Variants in LRRIQ1 observed in about 807,000 individuals in gnomAD.
LRRIQ1 encodes the protein leucine-rich repeat- and IQ domain-containing protein 1.
LRRIQ1 carries 210 observed loss-of-function variants against 211.9 expected under a neutral mutation model. The observed-to-expected ratio is 0.99, with a 90% CI of 0.89 to 1.11. LRRIQ1 has a LOEUF of 1.11. Ranked by LOEUF, LRRIQ1 falls within the 50% of genes most tolerant of loss-of-function variation. LRRIQ1 has a pLI of 0.00. For synonymous variants in LRRIQ1, 699 were observed against 650.1 expected (o/e 1.08, Z -1.14); for missense variants, 2,136 against 1,939.5 (o/e 1.10, Z -1.90).
Position 85,127,898 on chromosome 12 carries a change from C to G in LRRIQ1, c.4074C>G (p.Ser1358=). 6.2e-7 allele frequency: 1 copy of G among 1,613,996 alleles called. No individual in the cohort carries two copies. The highest frequency in any genetic ancestry group is 8.5e-7 in the Non-Finnish European group (1 of 1,180,000). The change falls in exon 18 of 27, where the codon TCC becomes TCG. Residue 1358 remains serine, a synonymous_variant. Coordinates refer to ENST00000393217, the MANE Select transcript of LRRIQ1 (RefSeq NM_001079910.2). ...TCATGCGCAGACAGACTCATTTCTC[C>G]ACAAGGCTACATACTGCTGCAACAG... ...GYLMRRQTHF[S]TRLHTAATEG...
intron 24 of LRRIQ1, among the ~76,000 whole-genome samples, chr12:85,225,249 C>G (rs572156231): frequency 6.6e-6 from 1 of 152,138 alleles, no homozygotes; most frequent in African/African-American, 2.4e-5. Context: ...AGATTATAAG[C>G]AAATGCCATT....
intron 19 of LRRIQ1, among the ~76,000 whole-genome samples, chr12:85,140,462 T>A (rs1482091851): frequency 6.6e-6 from 1 of 151,358 alleles, no homozygotes; most frequent in African/African-American, 2.4e-5. Context: ...ACCACTTTGC[T>A]GAAATCACCC....
chr12:85,056,407 A>T lies in LRRIQ1; in HGVS notation c.1614A>T (p.Glu538Asp). ...TAAAGTCTGATGCACAAAAAGAAGA[A>T]AAAATCATGAAACATGTCATAAATG... ...QELKSDAQKE[E>D]KIMKHVINEN... is the part of the protein sequence containing the mutation. Residue 538 changes from glutamate (E) to aspartate (D), a missense_variant, in exon 8 of 27, where the codon GAA (glutamate) becomes GAT (aspartate). Glu to Asp is a conservative substitution (Grantham distance 45, BLOSUM62 2). Transcript: ENST00000393217. The T allele has an allele frequency of 6.3e-7, 1 of 1,588,072 alleles. No homozygotes were observed. Among genetic ancestry groups the T allele is most frequent in the South Asian group, 1.2e-5 (1 of 84,448 alleles).
intron 24 of LRRIQ1, among the ~76,000 whole-genome samples, chr12:85,202,826 T>C (rs961419443): frequency 2.0e-5 from 3 of 152,226 alleles, no homozygotes; most frequent in Non-Finnish European, 4.4e-5. Flanking sequence ...TCTGTTTTCA[T>C]GTTGTTAGCT....
At chr12:85,186,194 A>G (rs937971303) in intron 24 of LRRIQ1, among the ~76,000 whole-genome samples, 3 of 152,228 alleles carry the variant, frequency 2.0e-5, no homozygotes, top group Non-Finnish European at 4.4e-5. Context: ...AGTTATAGTT[A>G]TAAGATTAAA....
Position 85,124,297 on chromosome 12 carries a change from A to G in LRRIQ1, c.3785A>G (p.Asp1262Gly). 6.2e-7 allele frequency: 1 copy of G among 1,614,100 alleles called. No homozygotes were observed. The highest frequency in any genetic ancestry group is 8.5e-7 in the Non-Finnish European group (1 of 1,180,012). Residue 1262 changes from aspartate to glycine, a missense_variant, in exon 17 of 27, where the codon GAT becomes GGT. Transcript: ENST00000393217. Reference protein sequence around the residue: ...CAREGEPDSPDIPEKWMDSVS... With the variant: ...CAREGEPDSPGIPEKWMDSVS... ...CGTGAAGGTGAGCCAGACTCACCAG[A>G]TATTCCTGAGAAATGGATGGACTCT...
intron 2 of LRRIQ1, 135 bp from the exon 3 acceptor site, chr12:85,040,355 C>G (rs1166460726): frequency 2.2e-6 from 1 of 452,796 alleles, no homozygotes; most frequent in Non-Finnish European, 3.9e-6. Context: ...CTGAACTGTG[C>G]TGTTTATATG....
chr12:85,222,129 T>G (rs1894433108), intron 24 of LRRIQ1, among the ~76,000 whole-genome samples: 1 of 152,118 alleles, frequency 6.6e-6, no homozygotes, highest in East Asian at 1.9e-4. Flanking sequence ...TATAGAAAAT[T>G]TAGGAAAAGG....
At chr12:85,063,220 A>AT (rs1032280065) in intron 8 of LRRIQ1, among the ~76,000 whole-genome samples, 3,935 of 143,452 alleles carry the variant, frequency 0.027, 58 homozygotes, top group Non-Finnish European at 0.039. Context: ...CCACTTGTCA[A>AT]TTTTTTTTTT....
At chr12:85,041,672 T>C (rs1166594682) in intron 3 of LRRIQ1, among the ~76,000 whole-genome samples, 1 of 151,774 alleles carries the variant, frequency 6.6e-6, no homozygotes, top group Non-Finnish European at 1.5e-5. Context: ...CCAAACTATT[T>C]TGTGGACTTT....
intron 24 of LRRIQ1, among the ~76,000 whole-genome samples, chr12:85,177,989 CTATCTCA>C: frequency 6.6e-6 from 1 of 152,076 alleles, no homozygotes; most frequent in South Asian, 2.1e-4. Context: ...AGAATAATAC[CTATCTCA>C]GAGAGATGTT....
rs200866219 is a variant in LRRIQ1 at position 85,124,345 on chromosome 12, G to A, written c.3833G>A (p.Ser1278Asn). 90 of 1,613,914 alleles carry A rather than the reference G, an allele frequency of 5.6e-5. No individual in the cohort carries two copies. The highest frequency in any genetic ancestry group is 6.9e-5 in the Non-Finnish European group (81 of 1,180,036). The change falls in exon 17 of 27, where the codon AGC becomes AAC. Residue 1278 changes from serine (S) to asparagine (N), a missense_variant. Coordinates refer to ENST00000393217, the MANE Select transcript of LRRIQ1 (RefSeq NM_001079910.2). The part of the protein sequence containing the change: ...MDSVSSHSPL[S>N]KSATCENMEG... Reference sequence around the variant, plus strand: ...TCTGTCTCCAGCCACTCCCCATTAAGCAAATCCGCCACATGTGAAAATATG... The same window carrying A: ...TCTGTCTCCAGCCACTCCCCATTAAACAAATCCGCCACATGTGAAAATATG...
intron 3 of LRRIQ1, among the ~76,000 whole-genome samples, chr12:85,041,296 A>G (rs549292198): frequency 5.3e-5 from 8 of 151,944 alleles, no homozygotes; most frequent in African/African-American, 1.9e-4. Context: ...CACTAAGAAT[A>G]CAGCAGTGAA....
At chr12:85,270,953 G>A in the LRRIQ1 span, among the ~76,000 whole-genome samples, 1 of 152,100 alleles carries the variant, frequency 6.6e-6, no homozygotes, top group Admixed American at 6.5e-5. Context: ...TGATACAAGT[G>A]TGTAACCAGT....
chr12:85,148,448 G>A (rs1890032755), intron 19 of LRRIQ1, among the ~76,000 whole-genome samples: 1 of 151,974 alleles, frequency 6.6e-6, no homozygotes, highest in South Asian at 2.1e-4. Flanking sequence ...ATGGCTTCCA[G>A]TTTCACCCAT....
At chr12:85,072,576 G>A (rs1883205573) in intron 10 of LRRIQ1, among the ~76,000 whole-genome samples, 1 of 147,888 alleles carries the variant, frequency 6.8e-6, no homozygotes, top group Non-Finnish European at 1.5e-5. Context: ...TTTCTGTTTT[G>A]TGAATGTTAC....
chr12:85,173,608 C>T (rs1262953155), intron 24 of LRRIQ1, among the ~76,000 whole-genome samples: 4 of 151,800 alleles, frequency 2.6e-5, no homozygotes, highest in Non-Finnish European at 4.4e-5. Context: ...AGACTACACA[C>T]GCAATCTCTC....
At position 85,047,409 on chromosome 12, in the gene LRRIQ1, A is replaced by G. The variant is rs1879745344; in HGVS notation, c.617A>G (p.Lys206Arg). Reference sequence around the variant, plus strand: ...AAACAATTTCAAGAAGAAGAAGAAAAGCGACATTGCTGGATGAAACAATTT... The same window carrying G: ...AAACAATTTCAAGAAGAAGAAGAAAGGCGACATTGCTGGATGAAACAATTT... ...EEKQFQEEEE[K>R]RHCWMKQFKV... Residue 206 changes from lysine to arginine, a missense_variant, in exon 6 of 27, where the codon AAG (lysine) becomes AGG (arginine). Physicochemically the swap from Lys to Arg is conservative, Grantham distance 26 (BLOSUM62 2). Coordinates refer to ENST00000393217, the MANE Select transcript of LRRIQ1 (RefSeq NM_001079910.2). The G allele has an allele frequency of 3.7e-6, 6 of 1,612,650 alleles. No homozygotes were observed. Among genetic ancestry groups the G allele is most frequent in the Non-Finnish European group, 5.1e-6 (6 of 1,179,178 alleles).
chr12:85,106,330 G>T (rs1027782635), intron 14 of LRRIQ1, among the ~76,000 whole-genome samples, 192 bp from the exon 15 acceptor site: 2 of 152,150 alleles, frequency 1.3e-5, no homozygotes, highest in African/African-American at 4.8e-5. Flanking sequence ...CTGTTAAATG[G>T]TAGAAACATA....
Sources: allele counts gnomAD v4.1 joint callset (sites outside exome capture counted in the v4.1 genomes callset), GRCh38; gene constraint gnomAD v4.1.1; transcripts MANE v1.5; gene names NCBI Gene and HGNC (gene_info 2026-07-23, HGNC 2026-07-21).